The following RASL12 variants were observed in gnomAD, a reference collection of about 807,000 sequenced individuals.
RASL12 encodes the protein RAS like family 12.
RASL12 carries 16 observed loss-of-function variants against 22.9 expected under a neutral mutation model. The ratio of observed to expected loss-of-function variants is 0.70; its 90% CI spans 0.47 to 1.06. The LOEUF (loss-of-function observed/expected upper bound fraction) is 1.06. Among genes scored for constraint, RASL12 ranks in the 50% least tolerant of loss-of-function variants. The pLI is 0.00. For missense variants in RASL12, 306 were observed against 353.1 expected, an observed-to-expected ratio of 0.87 and a Z score of 1.07; for synonymous variants, 159 against 152.2, an observed-to-expected ratio of 1.04 and a Z score of -0.33.
At chr15:65,064,631 C>T (rs1371898928) in intron 2 of RASL12, among the ~76,000 whole-genome samples, 2 of 151,654 alleles carry the variant, frequency 1.3e-5, no homozygotes, top group African/African-American at 4.9e-5. Flanking sequence ...GAGTTTCCCT[C>T]TGTCGCCCAG....
intron 1 of RASL12, among the ~76,000 whole-genome samples, chr15:65,076,167 G>T (rs1311932731): frequency 6.6e-6 from 1 of 152,234 alleles, no homozygotes; most frequent in Non-Finnish European, 1.5e-5. Context: ...GGCTACCCGA[G>T]CCAGCAGTGG....
intron 3 of RASL12, among the ~76,000 whole-genome samples, 190 bp downstream of exon 3, chr15:65,059,155 T>G (rs1017821399): frequency 6.6e-6 from 1 of 152,202 alleles, no homozygotes; most frequent in African/African-American, 2.4e-5. Context: ...CCAGGCCCTG[T>G]CCCATCCTTC....
At chr15:65,047,257 ACCTGGGAGGCGGTGGTTGCAGTGAG>A in the RASL12 span, among the ~76,000 whole-genome samples, 1 of 151,208 alleles carries the variant, frequency 6.6e-6, no homozygotes, top group Non-Finnish European at 1.5e-5. Flanking sequence ...AATTTCTTGA[ACCTGGGAGGCGGTGGTTGCAGTGAG>A]CCGAGATCAC....
chr15:65,051,875 G>A (rs2086658147), downstream of RASL12, among the ~76,000 whole-genome samples: 1 of 152,192 alleles, frequency 6.6e-6, no homozygotes, highest in African/African-American at 2.4e-5. Flanking sequence ...TTCAGAAGGC[G>A]AGCTTGCCCC....
chr15:65,058,730 C>T (rs533650088), intron 3 of RASL12, 113 bp from the exon 4 acceptor site: 23 of 777,854 alleles, frequency 3.0e-5, no homozygotes, highest in Non-Finnish European at 4.2e-5. Context: ...TATTGTTTCT[C>T]AGCAGAGCCC....
chr15:65,067,596 G>C, intron 1 of RASL12, 137 bp downstream of exon 1: 1 of 1,031,458 alleles, frequency 9.7e-7, no homozygotes, highest in Non-Finnish European at 1.3e-6. Context: ...GAAAATCACG[G>C]TGTCTTGTGC....
intron 1 of RASL12, among the ~76,000 whole-genome samples, chr15:65,067,207 G>A (rs968991368): frequency 1.3e-5 from 2 of 152,102 alleles, no homozygotes; most frequent in African/African-American, 4.8e-5. Context: ...GTGTGGAGGG[G>A]GAGGGGTTGG....
At chr15:65,076,110 T>C (rs1425702685) in intron 1 of RASL12, among the ~76,000 whole-genome samples, 2 of 152,220 alleles carry the variant, frequency 1.3e-5, no homozygotes, top group African/African-American at 4.8e-5. Flanking sequence ...CACTTGGCTC[T>C]ACCAATCAGC....
chr15:65,054,755 A>G lies in RASL12; in HGVS notation c.*144T>C. On this transcript the variant is annotated 3_prime_UTR_variant, in exon 5 of 5. Coordinates refer to ENST00000220062, the MANE Select transcript of RASL12 (RefSeq NM_016563.4). ...CCCTGCCTGCCACTCCAGCTCACAC[A>G]GTGAATTGAGTGTAGGGACACTGCT... The G allele has an allele frequency of 1.4e-6, 2 of 1,465,552 alleles. No individual in the cohort carries two copies. Among genetic ancestry groups the G allele is most frequent in the Non-Finnish European group, 1.8e-6 (2 of 1,114,596 alleles). 90.8% of individuals were successfully genotyped at this position (1,465,552 alleles called of 1,614,324 possible). A position where few individuals can be genotyped will look rare whatever the true frequency, so the allele number is the denominator to read the frequency against.
chr15:65,066,570 C>T (rs943856904), intron 1 of RASL12, among the ~76,000 whole-genome samples: 5 of 152,008 alleles, frequency 3.3e-5, no homozygotes, highest in African/African-American at 9.7e-5. Flanking sequence ...GGATTCCTAA[C>T]GGTGTCAGTT....
chr15:65,068,803 C>T (rs535287606), upstream of RASL12, among the ~76,000 whole-genome samples: 14 of 152,328 alleles, frequency 9.2e-5, no homozygotes, highest in Admixed American at 2.6e-4. The surrounding 1 kb of genome is among the most constrained non-coding windows in gnomAD (Gnocchi z 4.2). Context: ...CGAACCTGGA[C>T]ACTTAGGATC....
chr15:65,054,632 C>T lies in RASL12; in HGVS notation c.*267G>A. 1.5e-6 allele frequency: 2 copies of T among 1,339,692 alleles called. No homozygotes were observed. The highest frequency in any genetic ancestry group is 1.9e-6 in the Non-Finnish European group (2 of 1,043,476). The allele number at this position is 1,339,692 out of a possible 1,614,324, so 83.0% of individuals were successfully genotyped here. A position where few individuals can be genotyped will look rare whatever the true frequency, so the allele number is the denominator to read the frequency against. The stretch of plus-strand genomic sequence containing the variant: ...CAATTTCTTCCTACTTAAGGCTGAC[C>T]CCAGGTCTCTGGGTTGTCACAGTGG... On this transcript the variant is annotated 3_prime_UTR_variant, in exon 5 of 5. Transcript: ENST00000220062.
intron 2 of RASL12, among the ~76,000 whole-genome samples, chr15:65,064,615 T>C (rs78614036): frequency 2.6e-5 from 4 of 151,822 alleles, no homozygotes; most frequent in South Asian, 4.2e-4. Context: ...TTTTTTTTTT[T>C]AGACAGAGTT....
downstream of RASL12, chr15:65,050,145 C>A: frequency 6.8e-7 from 1 of 1,474,698 alleles, no homozygotes; most frequent in South Asian, 1.2e-5. Context: ...GTGTGCCCCT[C>A]AACACAGAGC....
rs1255962690 is a variant in RASL12 at position 65,054,169 on chromosome 15, G to T, written c.*730C>A. 5 of 985,768 alleles carry T rather than the reference G, an allele frequency of 5.1e-6. No homozygotes were observed. In the East Asian group the frequency reaches 5.7e-4, roughly 112 times the overall value. The allele number at this position is 985,768 out of a possible 1,614,324, so 61.1% of individuals were successfully genotyped here. On this transcript the variant is annotated 3_prime_UTR_variant, in exon 5 of 5. Coordinates refer to ENST00000220062, the MANE Select transcript of RASL12 (RefSeq NM_016563.4). Reference sequence around the variant, plus strand: ...AGGGAGCTGATGCTGAGGTTCTTTGGACAGAGTCCTTAACAGTGGGAAAAC... The same window carrying T: ...AGGGAGCTGATGCTGAGGTTCTTTGTACAGAGTCCTTAACAGTGGGAAAAC...
At chr15:65,067,484 A>G (rs2086892250) in intron 1 of RASL12, among the ~76,000 whole-genome samples, 1 of 152,106 alleles carries the variant, frequency 6.6e-6, no homozygotes, top group East Asian at 1.9e-4. Context: ...CAGTGGGAAG[A>G]CACAAAGGGA....
In RASL12 at chr15:65,055,128, G is replaced by C; in HGVS notation, c.572C>G (p.Pro191Arg). 6.2e-7 allele frequency: 1 copy of C among 1,611,190 alleles called. No homozygotes were observed. Among genetic ancestry groups the C allele is most frequent in the Non-Finnish European group, 8.5e-7 (1 of 1,179,154 alleles). Residue 191 changes from proline (P) to arginine (R), a missense_variant, in exon 5 of 5, where the codon CCC (proline) becomes CGC (arginine). Coordinates refer to ENST00000220062, the MANE Select transcript of RASL12 (RefSeq NM_016563.4). ...REARRELEKS[P>R]LTRPLFISEE... is the part of the protein sequence containing the mutation. ...GGAGATGAAGAGGGGCCGGGTCAGG[G>C]GGCTCTTCTCCAGCTCCCGCCGTGC...
At chr15:65,076,551 C>T (rs995191916) in exon 1 of RASL12, 6 of 701,746 alleles carry the variant, frequency 8.6e-6, no homozygotes, top group African/African-American at 1.7e-5. Flanking sequence ...CGGCTTCATT[C>T]TTGAAGTCAG....
At chr15:65,061,868 T>C (rs1180857614) in intron 2 of RASL12, among the ~76,000 whole-genome samples, 4 of 151,726 alleles carry the variant, frequency 2.6e-5, no homozygotes, top group Non-Finnish European at 2.9e-5. Context: ...CTGAACACGG[T>C]GAAACCCTGT....
Sources: gnomAD v4.1 joint callset for allele counts (sites outside exome capture counted in the v4.1 genomes callset) on GRCh38, gnomAD v4.1.1 for gene constraint, Gnocchi (gnomAD v3.1) non-coding constraint, MANE v1.5 for transcripts, NCBI Gene and HGNC (gene_info 2026-07-23, HGNC 2026-07-21) for gene names.